The following ATP8A2 variants were observed in gnomAD, a reference collection of about 807,000 sequenced individuals.
ATP8A2 encodes the protein phospholipid-transporting ATPase IB.
In ATP8A2, 100 loss-of-function variants were observed where a neutral mutation model predicts 165.6. The ratio of observed to expected loss-of-function variants is 0.60; its 90% confidence interval spans 0.51 to 0.71. The LOEUF (loss-of-function observed/expected upper bound fraction) is 0.71. Among genes scored for constraint, ATP8A2 ranks in the 30% least tolerant of loss-of-function variants. ATP8A2 has a pLI of 0.00. For missense variants in ATP8A2, 1,227 were observed against 1,479.5 expected (o/e 0.83, Z 2.80); for synonymous variants, 543 against 548.8 (o/e 0.99, Z 0.15).
chr13:25,816,758 TAG>T lies in ATP8A2; in HGVS notation c.2680-11358_2680-11357del, dbSNP rs540406059. On this transcript the variant is annotated intron_variant, in intron 27 of 36. Transcript: ENST00000381655. Reference sequence around the variant, plus strand: ...TCCTTATAACCCTCCGCTGGGAGAGTAGACAGACCTTTCGCTCTACTTTCCAA... The same window carrying T: ...TCCTTATAACCCTCCGCTGGGAGAGTACAGACCTTTCGCTCTACTTTCCAA... 3.2e-4 allele frequency among the ~76,000 whole-genome samples: 49 copies of T among 152,096 alleles called. No individual in the cohort carries two copies. The East Asian group carries it at 8.1e-3, about 25-fold the overall frequency.
intron 6 of ATP8A2, 38 bp from the exon 7 acceptor site, chr13:25,537,950 T>C (rs749373346): frequency 6.9e-7 from 1 of 1,457,042 alleles, no homozygotes; most frequent in South Asian, 1.2e-5. Context: ...TTGTTTCTTT[T>C]CTTTCGTGCC....
In ATP8A2 at chr13:25,832,097, G is replaced by A. The variant is rs180703642; in HGVS notation, c.2754+3905G>A. ...CAGGATTACAGGTGCGCACCACCAC[G>A]CCTGGCAAATTTTCTGTATTTTTAA... is the stretch of plus-strand genomic sequence containing the variant. On this transcript the variant is annotated intron_variant, in intron 28 of 36. Coordinates refer to ENST00000381655, the MANE Select transcript of ATP8A2 (RefSeq NM_016529.6). 1.6e-3 allele frequency among the ~76,000 whole-genome samples: 243 copies of A among 151,834 alleles called. 1 individual carries two copies. The highest frequency in any genetic ancestry group is 5.7e-3 in the African/African-American group (235 of 41,442).
intron 2 of ATP8A2, among the ~76,000 whole-genome samples, chr13:25,513,288 G>A (rs2037332758): frequency 6.6e-6 from 1 of 152,012 alleles, no homozygotes; most frequent in African/African-American, 2.4e-5. Context: ...CGGGGTCGCG[G>A]CCGGGTAGGG....
chr13:25,468,895 G>T, intron 1 of ATP8A2, 82 bp from the exon 2 acceptor site: 1 of 1,566,576 alleles, frequency 6.4e-7, no homozygotes. Flanking sequence ...GTGGCCGCCC[G>T]CCCGCGGCCC....
chr13:25,664,178 C>CA (rs1256515012), intron 24 of ATP8A2, among the ~76,000 whole-genome samples: 1 of 152,118 alleles, frequency 6.6e-6, no homozygotes, highest in African/African-American at 2.4e-5. Flanking sequence ...AACAAACAAA[C>CA]AAAAACTGAA....
At chr13:25,444,499 C>A (rs2035018005) in intron 1 of ATP8A2, among the ~76,000 whole-genome samples, 1 of 152,184 alleles carries the variant, frequency 6.6e-6, no homozygotes, top group African/African-American at 2.4e-5. Flanking sequence ...AATTTACATT[C>A]TCTCCAGCAT....
At chr13:25,840,562 G>T (rs184809577) in intron 30 of ATP8A2, among the ~76,000 whole-genome samples, 2 of 152,254 alleles carry the variant, frequency 1.3e-5, no homozygotes, top group African/African-American at 4.8e-5. Context: ...GGGTTCATAA[G>T]TCTTTAAATC....
intron 28 of ATP8A2, among the ~76,000 whole-genome samples, chr13:25,835,264 T>A (rs1309945165): frequency 2.0e-5 from 3 of 152,012 alleles, no homozygotes; most frequent in Admixed American, 6.6e-5. Context: ...AAACAAACAA[T>A]TTTTGTTGTT....
intron 33 of ATP8A2, among the ~76,000 whole-genome samples, chr13:25,961,149 C>T (rs996980220): frequency 6.6e-5 from 10 of 152,270 alleles, no homozygotes; most frequent in Middle Eastern, 3.4e-3. Context: ...TACCAAGTAG[C>T]GATGACATGG....
chr13:25,505,230 G>A, intron 2 of ATP8A2, among the ~76,000 whole-genome samples: 1 of 150,250 alleles, frequency 6.7e-6, no homozygotes, highest in South Asian at 2.1e-4. Flanking sequence ...ACAACTCATT[G>A]GAAATGCCTG....
intron 25 of ATP8A2, among the ~76,000 whole-genome samples, chr13:25,722,164 C>T (rs2043395907): frequency 6.6e-6 from 1 of 152,172 alleles, no homozygotes. Flanking sequence ...TATAGCCATC[C>T]TAGTGGGTAT....
chr13:26,003,517 C>G (rs375460688), intron 35 of ATP8A2, among the ~76,000 whole-genome samples: 36 of 152,246 alleles, frequency 2.4e-4, no homozygotes, highest in African/African-American at 7.9e-4. Context: ...TGTGCAGAAG[C>G]TCTATTGTTT....
intron 33 of ATP8A2, among the ~76,000 whole-genome samples, chr13:25,889,365 C>A (rs942178301): frequency 2.0e-5 from 3 of 150,576 alleles, no homozygotes; most frequent in Non-Finnish European, 4.4e-5. Context: ...TGTATTAATA[C>A]TTTTTGTTTA....
At chr13:25,573,323 C>T (rs1160110705) in intron 18 of ATP8A2, among the ~76,000 whole-genome samples, 1 of 149,302 alleles carries the variant, frequency 6.7e-6, no homozygotes, top group African/African-American at 2.5e-5. Context: ...AATGTGGAAC[C>T]TAGAGAGCCT....
intron 33 of ATP8A2, among the ~76,000 whole-genome samples, chr13:25,912,275 G>A (rs1593547207): frequency 6.6e-6 from 1 of 152,190 alleles, no homozygotes; most frequent in South Asian, 2.1e-4. Context: ...ATTATGCTAA[G>A]TGAAATAAGC....
rs570852875 is a variant in ATP8A2, at chr13:25,849,388, T to A, written c.2956+9764T>A. Among the ~76,000 whole-genome samples the A allele has an allele frequency of 8.1e-4, 124 of 152,372 alleles. 1 individual carries two copies. Among genetic ancestry groups the A allele is most frequent in the Middle Eastern group, 6.8e-3 (2 of 294 alleles). On this transcript the variant is annotated intron_variant, in intron 30 of 36. Transcript: ENST00000381655. Reference sequence around the variant, plus strand: ...TGCCTTTGTCAGAGCCATTTCTGAATACATTTTGTGGTTTAGCTGGATGAT... The same window carrying A: ...TGCCTTTGTCAGAGCCATTTCTGAAAACATTTTGTGGTTTAGCTGGATGAT...
chr13:25,451,982 G>A (rs1168928706), intron 1 of ATP8A2, among the ~76,000 whole-genome samples: 1 of 151,720 alleles, frequency 6.6e-6, no homozygotes, highest in African/African-American at 2.4e-5. Flanking sequence ...AGCCTCCCAA[G>A]TAGCTGGGAT....
At chr13:25,987,471 A>G (rs941883993) in intron 35 of ATP8A2, among the ~76,000 whole-genome samples, 3 of 152,234 alleles carry the variant, frequency 2.0e-5, no homozygotes, top group Non-Finnish European at 4.4e-5. Context: ...CCTGTGAAGG[A>G]CCATTTGGCA....
At chr13:25,562,842 G>T (rs577704287) in intron 15 of ATP8A2, among the ~76,000 whole-genome samples, 1 of 152,036 alleles carries the variant, frequency 6.6e-6, no homozygotes, top group Non-Finnish European at 1.5e-5. Flanking sequence ...TTGTCTGGCC[G>T]CATGGGATGT....
Sources: gnomAD v4.1 joint callset for allele counts (sites outside exome capture counted in the v4.1 genomes callset) on GRCh38, gnomAD v4.1.1 for gene constraint, MANE v1.5 for transcripts, NCBI Gene and HGNC (gene_info 2026-07-23, HGNC 2026-07-21) for gene names.